The following ADD3 variants were observed in gnomAD, a reference collection of about 807,000 sequenced individuals.
The protein encoded by ADD3 is gamma-adducin.
Under a neutral mutation model 80.2 loss-of-function variants are expected in ADD3, and 25 were observed. The ratio of observed to expected loss-of-function variants is 0.31; its 90% CI spans 0.23 to 0.44. The LOEUF is 0.44. Ranked by LOEUF, ADD3 falls within the 20% of genes least tolerant of loss-of-function variation. The probability of loss-of-function intolerance (pLI) is 1.00; values close to 1 mark genes in which losing one functional copy is unlikely to be tolerated. For missense variants in ADD3, 829 were observed against 847.5 expected, an observed-to-expected ratio of 0.98 and a Z score of 0.27; for synonymous variants, 284 against 289.6, an observed-to-expected ratio of 0.98 and a Z score of 0.20.
At chr10:110,024,641 A>C (rs1854068040) in intron 1 of ADD3, among the ~76,000 whole-genome samples, 1 of 152,232 alleles carries the variant, frequency 6.6e-6, no homozygotes, top group South Asian at 2.1e-4. Flanking sequence ...TAAAATTTTC[A>C]TGCTTAAAAT....
At chr10:110,072,359 C>G (rs1844834599) in intron 1 of ADD3, among the ~76,000 whole-genome samples, 1 of 152,238 alleles carries the variant, frequency 6.6e-6, no homozygotes, top group African/African-American at 2.4e-5. Flanking sequence ...GCCACTGTGC[C>G]CGGCCACCAT....
At chr10:110,036,842 T>C (rs1230618969) in intron 1 of ADD3, among the ~76,000 whole-genome samples, 1 of 152,186 alleles carries the variant, frequency 6.6e-6, no homozygotes, top group Non-Finnish European at 1.5e-5. Flanking sequence ...AATAGTGTTA[T>C]GACTAGCCTT....
intron 1 of ADD3, among the ~76,000 whole-genome samples, chr10:110,087,497 A>C (rs1846930491): frequency 6.6e-6 from 1 of 152,226 alleles, no homozygotes; most frequent in African/African-American, 2.4e-5. Flanking sequence ...TCAGTTTTAC[A>C]AAGAAATTTT....
chr10:110,098,508 T>G (rs2481109), intron 1 of ADD3, among the ~76,000 whole-genome samples: 1,939 of 152,350 alleles, frequency 0.013, 39 homozygotes, highest in African/African-American at 0.043. Context: ...GTAGACATTG[T>G]GCTATTTGCA....
chr10:110,052,447 G>A (rs978977155), intron 1 of ADD3, among the ~76,000 whole-genome samples: 1 of 152,172 alleles, frequency 6.6e-6, no homozygotes, highest in Non-Finnish European at 1.5e-5. Flanking sequence ...ATAGGGGCCC[G>A]AACCCTGTTG....
rs148717552 is a variant in ADD3, at chr10:110,132,034, C to A, written c.1733-271C>A. Reference sequence around the variant, plus strand: ...TTCTAATGCTAGCAAGAGCTACATGCAACATATCATTTGCCTGGGCTGCCA... The same window carrying A: ...TTCTAATGCTAGCAAGAGCTACATGAAACATATCATTTGCCTGGGCTGCCA... On this transcript the variant is annotated intron_variant, in intron 13 of 14. Coordinates refer to ENST00000356080, the MANE Select transcript of ADD3 (RefSeq NM_016824.5). 2.4e-3 allele frequency among the ~76,000 whole-genome samples: 359 copies of A among 152,290 alleles called. 1 individual carries two copies. Among genetic ancestry groups the A allele is most frequent in the African/African-American group, 8.2e-3 (342 of 41,558 alleles).
Position 110,121,622 on chromosome 10 carries a change from A to G in ADD3, c.961-488A>G, listed in dbSNP as rs576756893. ...CTACCAACATTAACTTGTCCTAACAATCAACTTATTTTTGCTTTAATGGTT... is the reference window on the plus strand; with the variant it reads ...CTACCAACATTAACTTGTCCTAACAGTCAACTTATTTTTGCTTTAATGGTT... On this transcript the variant is annotated intron_variant, in intron 8 of 14. Transcript: ENST00000356080. 3.9e-5 allele frequency among the ~76,000 whole-genome samples: 6 copies of G among 152,358 alleles called. No homozygotes were observed. The East Asian group carries it at 9.6e-4, about 24-fold the overall frequency.
chr10:110,118,452 G>T, intron 5 of ADD3, 135 bp from the exon 6 acceptor site: 2 of 661,086 alleles, frequency 3.0e-6, no homozygotes, highest in Non-Finnish European at 2.7e-6. Context: ...AGTAATTGCA[G>T]CAGAGGCCCA....
At chr10:110,055,139 T>C (rs1325493777) in intron 1 of ADD3, among the ~76,000 whole-genome samples, 2 of 152,216 alleles carry the variant, frequency 1.3e-5, no homozygotes, top group Non-Finnish European at 2.9e-5. Context: ...GTTTTAATGC[T>C]AAAATATCAG....
intron 1 of ADD3, among the ~76,000 whole-genome samples, chr10:110,053,297 T>C (rs74154967): frequency 0.011 from 1,607 of 152,100 alleles, 31 homozygotes; most frequent in African/African-American, 0.038. Context: ...AATGTGGATT[T>C]TTTTGTTGTT....
At chr10:110,051,782 C>A (rs1358252188) in intron 1 of ADD3, among the ~76,000 whole-genome samples, 3 of 152,130 alleles carry the variant, frequency 2.0e-5, no homozygotes, top group African/African-American at 7.2e-5. Context: ...TGTATAGATT[C>A]CTTTTTACGG....
In ADD3 at chr10:110,063,784, A is replaced by AT. The variant is rs1230336153; in HGVS notation, c.-29-36841_-29-36840insT. Among the ~76,000 whole-genome samples, 180 of 53,294 alleles carry AT rather than the reference A, an allele frequency of 3.4e-3. 1 individual carries two copies. Among genetic ancestry groups the AT allele is most frequent in the South Asian group, 4.7e-3 (6 of 1,280 alleles). 35.0% of individuals were successfully genotyped at this position (53,294 alleles called of 152,430 possible). On this transcript the variant is annotated intron_variant, in intron 1 of 14. Transcript: ENST00000356080. ...ATATATATATATATATATATATATA[A>AT]AGTGAACACCGTGTGTAACCTACCT...
chr10:110,068,293 C>G (rs1052969502), intron 1 of ADD3, among the ~76,000 whole-genome samples: 10 of 152,170 alleles, frequency 6.6e-5, no homozygotes, highest in African/African-American at 9.7e-5. Flanking sequence ...CCACCTCCCC[C>G]CCTCCTTTCT....
At chr10:110,106,673 A>G (rs1023991666) in intron 2 of ADD3, among the ~76,000 whole-genome samples, 8 of 152,072 alleles carry the variant, frequency 5.3e-5, no homozygotes, top group Admixed American at 4.6e-4. Flanking sequence ...TAAGGCTTTT[A>G]AGGCACCCTG....
rs201843100 is a variant in ADD3 at position 110,087,513 on chromosome 10, A to C, written c.-29-13112A>C. Among the ~76,000 whole-genome samples the C allele has an allele frequency of 1.8e-4, 27 of 152,284 alleles. No individual in the cohort carries two copies. The East Asian group carries it at 5.2e-3, about 29-fold the overall frequency. ...CAGTTTTACAAAGAAATTTTTGTTC[A>C]TCTGATGTGACAAGAATGTTCATAT... On this transcript the variant is annotated intron_variant, in intron 1 of 14. Transcript: ENST00000356080.
chr10:110,038,591 CTT>C, intron 1 of ADD3, among the ~76,000 whole-genome samples: 1 of 152,266 alleles, frequency 6.6e-6, no homozygotes, highest in South Asian at 2.1e-4. Context: ...TAAAAGGACT[CTT>C]TTAGCTGCTC....
At position 110,133,816 on chromosome 10, in the gene ADD3, A is replaced by G; in HGVS notation, c.*198A>G. The stretch of plus-strand genomic sequence containing the variant: ...TTTTATATGTCCAGAAATGGCTTTG[A>G]ATTTTAAGCAATTACTAGTTTTAAT... On this transcript the variant is annotated 3_prime_UTR_variant, in exon 15 of 15. Coordinates refer to ENST00000356080, the MANE Select transcript of ADD3 (RefSeq NM_016824.5). 2.4e-6 allele frequency: 1 copy of G among 422,972 alleles called. No homozygotes were observed. Among genetic ancestry groups the G allele is most frequent in the Non-Finnish European group, 4.1e-6 (1 of 242,606 alleles). 26.2% of individuals were successfully genotyped at this position (422,972 alleles called of 1,614,324 possible). A position where few individuals can be genotyped will look rare whatever the true frequency, so the allele number is the denominator to read the frequency against.
intron 4 of ADD3, 70 bp downstream of exon 4, chr10:110,116,480 T>A: frequency 6.7e-7 from 1 of 1,495,288 alleles, no homozygotes; most frequent in East Asian, 2.3e-5. Context: ...TCTTCTTACC[T>A]TTACCTGGAA....
intron 1 of ADD3, among the ~76,000 whole-genome samples, chr10:110,085,018 G>T (rs1590049769): frequency 6.6e-6 from 1 of 152,154 alleles, no homozygotes; most frequent in East Asian, 1.9e-4. Context: ...TTGGGTTGTT[G>T]TCTCTTTATC....
Sources: allele counts gnomAD v4.1 joint callset (sites outside exome capture counted in the v4.1 genomes callset), GRCh38; gene constraint gnomAD v4.1.1; transcripts MANE v1.5; gene names NCBI Gene and HGNC (gene_info 2026-07-23, HGNC 2026-07-21).